FEZF1: variants seen among roughly 807,000 people sequenced by gnomAD.
The protein encoded by FEZF1 is fez family zinc finger protein 1.
In FEZF1, 8 loss-of-function variants were observed where a neutral mutation model predicts 32.4. That is an observed-to-expected ratio of 0.25 (90% confidence interval 0.15 to 0.45). FEZF1 has a LOEUF of 0.45. FEZF1 is among the 20% of genes least tolerant of loss of function. FEZF1 has a pLI of 1.00. For missense variants in FEZF1, 546 were observed against 622.3 expected (o/e 0.88, Z 1.31); for synonymous variants, 259 against 265.2 (o/e 0.98, Z 0.23).
In FEZF1 at chr7:122,304,462, C is replaced by A; in HGVS notation, c.-25G>T. The A allele has an allele frequency of 6.5e-7, 1 of 1,537,142 alleles. No homozygotes were observed. Among genetic ancestry groups the A allele is most frequent in the Non-Finnish European group, 8.8e-7 (1 of 1,136,748 alleles). On this transcript the variant is annotated 5_prime_UTR_variant, in exon 1 of 4. Transcript: ENST00000442488. ...TGTCTGAGTCGCCAGCGTCCGTCAG[C>A]CGGGGCTGGGTTGCGCCGTCCGTTG...
intron 1 of FEZF1, 135 bp downstream of exon 1, chr7:122,303,500 AGG>A: frequency 2.1e-6 from 1 of 475,938 alleles, no homozygotes; most frequent in Non-Finnish European, 3.6e-6. Context: ...GAAGGAAGGA[AGG>A]AAGGAAGGAA....
chr7:122,301,765 C>T lies in FEZF1; in HGVS notation c.*232G>A. The T allele has an allele frequency of 2.3e-6, 1 of 437,726 alleles. No individual in the cohort carries two copies. Among genetic ancestry groups the T allele is most frequent in the Non-Finnish European group, 3.9e-6 (1 of 256,700 alleles). 27.1% of individuals were successfully genotyped at this position (437,726 alleles called of 1,614,324 possible). A position where few individuals can be genotyped will look rare whatever the true frequency, so the allele number is the denominator to read the frequency against. ...AAAGAAAAACAGAAAACAAGCAAAA[C>T]CCTCCAAATTTTTCATAATTGTTAG... On this transcript the variant is annotated 3_prime_UTR_variant, in exon 4 of 4. Transcript: ENST00000442488.
upstream of FEZF1, chr7:122,308,636 C>T (rs1432076944): frequency 6.6e-6 from 1 of 152,100 alleles, no homozygotes. Context: ...TCACAAAATA[C>T]TATTGATTTT....
chr7:122,306,360 G>T (rs2031281129), upstream of FEZF1: 1 of 152,284 alleles, frequency 6.6e-6, no homozygotes. Flanking sequence ...CTCTGAAAAG[G>T]GTTGGCCCCG....
Position 122,301,817 on chromosome 7 carries a change from A to T in FEZF1, c.*180T>A. ...GCCTATATAGAATATAATACACAAA[A>T]CCATTTAGCAGGTGCATGCAAGAGG... On this transcript the variant is annotated 3_prime_UTR_variant, in exon 4 of 4. Transcript: ENST00000442488. 1.4e-6 allele frequency: 1 copy of T among 740,536 alleles called. No homozygotes were observed. Among genetic ancestry groups the T allele is most frequent in the Non-Finnish European group, 2.1e-6 (1 of 468,016 alleles). 45.9% of individuals were successfully genotyped at this position (740,536 alleles called of 1,614,324 possible).
chr7:122,308,251 G>A (rs2150620558), upstream of FEZF1, among the ~76,000 whole-genome samples: 1 of 152,192 alleles, frequency 6.6e-6, no homozygotes, highest in South Asian at 2.1e-4. Context: ...CTGATGGAAG[G>A]CGAGTTTCAG....
upstream of FEZF1, chr7:122,305,861 C>T (rs2031260441): frequency 6.6e-6 from 1 of 152,316 alleles, no homozygotes; most frequent in Admixed American, 6.5e-5. Context: ...GCGTAGAGAC[C>T]ATTTCCCCTG....
chr7:122,303,496 A>C, intron 1 of FEZF1, 141 bp downstream of exon 1: 2 of 456,654 alleles, frequency 4.4e-6, no homozygotes, highest in South Asian at 2.8e-5. Context: ...GAAGGAAGGA[A>C]GGAAGGAAGG....
At position 122,302,731 on chromosome 7, in the gene FEZF1, C is replaced by A. The variant is rs2031090325; in HGVS notation, c.1069+68G>T. 6.4e-7 allele frequency: 1 copy of A among 1,552,100 alleles called. No homozygotes were observed. The highest frequency in any genetic ancestry group is 1.7e-5 in the Admixed American group (1 of 57,984). On this transcript the variant is annotated intron_variant, in intron 3 of 3. Transcript: ENST00000442488. This position sits in a 1 kb window ranked among gnomAD's most constrained non-coding sequence, Gnocchi z 4.4. ...ACACTTTAAACATCGTCTTCTAAAA[C>A]ATCCCGAAAGTATTAAGTATGGCTT...
chr7:122,302,744 T>TG lies in FEZF1; in HGVS notation c.1069+54_1069+55insC. ...CGTCTTCTAAAACATCCCGAAAGTA[T>TG]TAAGTATGGCTTTTCATAAGACTAA... On this transcript the variant is annotated intron_variant, in intron 3 of 3. Coordinates refer to ENST00000442488, the MANE Select transcript of FEZF1 (RefSeq NM_001024613.4). This position sits in a 1 kb window ranked among gnomAD's most constrained non-coding sequence, Gnocchi z 4.4. 1.3e-6 allele frequency: 2 copies of TG among 1,578,364 alleles called. No individual in the cohort carries two copies. The highest frequency in any genetic ancestry group is 1.7e-6 in the Non-Finnish European group (2 of 1,153,054).
At position 122,303,378 on chromosome 7, in the gene FEZF1, A is replaced by G. The variant is rs1481764137; in HGVS notation, c.802-67T>C. On this transcript the variant is annotated intron_variant, in intron 1 of 3. Coordinates refer to ENST00000442488, the MANE Select transcript of FEZF1 (RefSeq NM_001024613.4). ...AACTTTGAAATCAAACCGGGCAGAG[A>G]GAGGGTAGGAGGAAGAGAATCTTAA... 4.4e-6 allele frequency: 7 copies of G among 1,574,104 alleles called. No individual in the cohort carries two copies. In the East Asian group the frequency reaches 1.6e-4, roughly 35 times the overall value.
In FEZF1 at chr7:122,302,020, C is replaced by T. The variant is rs1475620215; in HGVS notation, c.1405G>A (p.Gly469Arg). ...PLPTPGPLQP[G>R]LHQGHQ is the part of the protein sequence containing the mutation. ...GATCACTGGTGGCCCTGGTGGAGCC[C>T]GGGCTGCAGGGGCCCCGGGGTTGGC... Residue 469 changes from glycine (G) to arginine (R), a missense_variant, in exon 4 of 4, where the codon GGG (glycine) becomes AGG (arginine). By Grantham distance (125) the Gly-to-Arg change is moderately radical (BLOSUM62 -2). Transcript: ENST00000442488. The surrounding 1 kb of genome is among the most constrained non-coding windows in gnomAD (Gnocchi z 4.4). 5.6e-6 allele frequency: 9 copies of T among 1,595,876 alleles called. No individual in the cohort carries two copies. The Admixed American group carries it at 1.4e-4, about 24-fold the overall frequency.
intron 1 of FEZF1, chr7:122,310,140 T>C (rs956548574): frequency 1.3e-5 from 2 of 152,192 alleles, no homozygotes; most frequent in Non-Finnish European, 2.9e-5. Context: ...TAAATAAAAA[T>C]CCTCGAGCTA....
chr7:122,302,411 G>A lies in FEZF1; in HGVS notation c.1070-56C>T. The A allele has an allele frequency of 6.2e-7, 1 of 1,608,678 alleles. No individual in the cohort carries two copies. ...CTGAAAAAAAAAATAGCTTAAAAAG[G>A]GAGGAGCAGACACGTGGAAGGTAGC... On this transcript the variant is annotated intron_variant, in intron 3 of 3. Coordinates refer to ENST00000442488, the MANE Select transcript of FEZF1 (RefSeq NM_001024613.4). The surrounding 1 kb of genome is among the most constrained non-coding windows in gnomAD (Gnocchi z 4.4).
rs1383346615 is a variant in FEZF1 at position 122,304,101 on chromosome 7, G to C, written c.337C>G (p.Pro113Ala). Reference protein sequence around the residue: ...PAAPAAVPSAPAFSCSDLLNC... With the variant: ...PAAPAAVPSAAAFSCSDLLNC... ...AGCAGGTCGCTGCAGCTGAATGCGG[G>C]AGCCGAGGGCACCGCCGCGGGCGCC... Residue 113 changes from proline (P) to alanine (A), a missense_variant, in exon 1 of 4, where the codon CCC (proline) becomes GCC (alanine). Pro to Ala is a conservative substitution (Grantham distance 27). Transcript: ENST00000442488. The C allele has an allele frequency of 1.2e-5, 19 of 1,579,710 alleles. No homozygotes were observed. Among genetic ancestry groups the C allele is most frequent in the Non-Finnish European group, 1.6e-5 (19 of 1,163,092 alleles).
rs1228841749 is a variant in FEZF1, at chr7:122,302,579, G to A, written c.1069+220C>T. Among the ~76,000 whole-genome samples the A allele has an allele frequency of 6.6e-6, 1 of 152,098 alleles. No individual in the cohort carries two copies. Among genetic ancestry groups the A allele is most frequent in the Non-Finnish European group, 1.5e-5 (1 of 68,030 alleles). ...CTTAAATTTTAATACACATTTATCAGTCCAATTACATACAATGAGAGCATG... is the reference window on the plus strand; with the variant it reads ...CTTAAATTTTAATACACATTTATCAATCCAATTACATACAATGAGAGCATG... On this transcript the variant is annotated intron_variant, in intron 3 of 3. Transcript: ENST00000442488. This position sits in a 1 kb window ranked among gnomAD's most constrained non-coding sequence, Gnocchi z 4.4.
chr7:122,308,746 G>C (rs2031349732), upstream of FEZF1, among the ~76,000 whole-genome samples: 1 of 151,824 alleles, frequency 6.6e-6, no homozygotes, highest in Non-Finnish European at 1.5e-5. Context: ...TTTCTGGCCT[G>C]TTCAACGTCT....
rs767014192 is a variant in FEZF1, at chr7:122,304,024, C to T, written c.414G>A (p.Leu138=). The change falls in exon 1 of 4, where the codon CTG becomes CTA. Residue 138 remains leucine (L), a synonymous_variant. Transcript: ENST00000442488. ...KGDLARDALP[L]QQYKLVRPRV... ...GCGGCCTTACCAGCTTGTACTGCTGCAGCGGCAGCGCGTCGCGGGCCAGGT... is the reference window on the plus strand; with the variant it reads ...GCGGCCTTACCAGCTTGTACTGCTGTAGCGGCAGCGCGTCGCGGGCCAGGT... 2.6e-6 allele frequency: 4 copies of T among 1,562,098 alleles called. No homozygotes were observed. In the East Asian group the frequency reaches 7.2e-5, roughly 28 times the overall value.
upstream of FEZF1, chr7:122,305,180 A>T (rs1236101275): frequency 2.0e-5 from 3 of 152,214 alleles, no homozygotes; most frequent in Non-Finnish European, 4.4e-5. Context: ...TCGGCAGTGA[A>T]ATCCGAGGTT....
Sources: allele counts gnomAD v4.1 joint callset (sites outside exome capture counted in the v4.1 genomes callset), GRCh38; gene constraint gnomAD v4.1.1; non-coding constraint Gnocchi (gnomAD v3.1); transcripts MANE v1.5; gene names NCBI Gene and HGNC (gene_info 2026-07-23, HGNC 2026-07-21).